The following MYLK variants were observed in gnomAD, a reference collection of about 807,000 sequenced individuals.
MYLK encodes myosin light chain kinase, smooth muscle.
In MYLK, 106 loss-of-function variants were observed where a neutral mutation model predicts 203.4. That is an observed-to-expected ratio of 0.52 (90% confidence interval 0.45 to 0.61). The LOEUF is 0.61. Among genes scored for constraint, MYLK ranks in the 20% least tolerant of loss-of-function variants. MYLK has a pLI of 0.00. For synonymous variants in MYLK, 867 were observed against 959.5 expected (o/e 0.90, Z 1.78); for missense variants, 2,072 against 2,442.3 (o/e 0.85, Z 3.20).
chr3:123,793,750 T>C lies in MYLK; in HGVS notation c.92A>G (p.Glu31Gly), dbSNP rs2064878239. 11 of 1,614,168 alleles carry C rather than the reference T, an allele frequency of 6.8e-6. No homozygotes were observed. The highest frequency in any genetic ancestry group is 8.5e-6 in the Non-Finnish European group (10 of 1,180,022). ...AGGGGGCAAAATGAAAGCAGGGGCC[T>C]CTGTCAGGGGCATGGAGTCAACTCT... ...PSRVDSMPLT[E>G]APAFILPPRN... The change falls in exon 4 of 34, where the codon GAG becomes GGG. Residue 31 changes from glutamate (E) to glycine (G), a missense_variant. Transcript: ENST00000360304.
intron 3 of MYLK, among the ~76,000 whole-genome samples, chr3:123,812,167 T>C (rs892041889): frequency 6.6e-6 from 1 of 152,156 alleles, no homozygotes; most frequent in African/African-American, 2.4e-5. Flanking sequence ...TTCCCCCTCA[T>C]ACCTATTAGT....
intron 2 of MYLK, among the ~76,000 whole-genome samples, chr3:123,871,520 GATA>G (rs1163045696): frequency 1.3e-5 from 2 of 151,978 alleles, no homozygotes; most frequent in African/African-American, 4.8e-5. Context: ...AAATTAAAAG[GATA>G]ATAAGTTAAT....
At chr3:123,638,217 T>C in intron 28 of MYLK, 23 bp from the exon 29 acceptor site, 3 of 1,613,236 alleles carry the variant, frequency 1.9e-6, no homozygotes, top group Non-Finnish European at 2.5e-6. Context: ...TGGAGAGGGA[T>C]AAATTGCCAG....
At chr3:123,794,416 C>T (rs2109110599) in intron 3 of MYLK, among the ~76,000 whole-genome samples, 1 of 152,248 alleles carries the variant, frequency 6.6e-6, no homozygotes, top group African/African-American at 2.4e-5. Context: ...AGGAGGTAGG[C>T]ATGGGGGGAC....
At chr3:123,754,980 G>A (rs745688758) in intron 4 of MYLK, among the ~76,000 whole-genome samples, 22 of 152,290 alleles carry the variant, frequency 1.4e-4, no homozygotes, top group Middle Eastern at 3.4e-3. Context: ...AGGCAGAAAC[G>A]TTCATGCATG....
intron 20 of MYLK, among the ~76,000 whole-genome samples, chr3:123,669,079 G>A (rs1306742155): frequency 2.0e-5 from 3 of 152,216 alleles, no homozygotes; most frequent in Non-Finnish European, 4.4e-5. Context: ...TGTGGAACTT[G>A]TGCATTTCCA....
intron 2 of MYLK, chr3:123,836,068 T>G (rs949922810): frequency 1.3e-5 from 2 of 152,234 alleles, no homozygotes; most frequent in Non-Finnish European, 2.9e-5. Context: ...AACCTAAGCA[T>G]AAAAATGAAC....
intron 2 of MYLK, among the ~76,000 whole-genome samples, chr3:123,869,807 A>G (rs772702671): frequency 1.3e-5 from 2 of 152,162 alleles, no homozygotes; most frequent in South Asian, 2.1e-4. Context: ...CACCCATCTA[A>G]TAAGTTCTTG....
At chr3:123,848,524 T>G (rs1451209257) in intron 2 of MYLK, among the ~76,000 whole-genome samples, 2 of 152,144 alleles carry the variant, frequency 1.3e-5, no homozygotes, top group Non-Finnish European at 2.9e-5. Flanking sequence ...AAAAAAACAC[T>G]ATACTTCCCT....
At chr3:123,632,844 G>A (rs1254399) in intron 29 of MYLK, among the ~76,000 whole-genome samples, 4,319 of 115,272 alleles carry the variant, frequency 0.037, 77 homozygotes, top group Middle Eastern at 0.14. Context: ...TTGTTCTATT[G>A]CCCAGGTTGG....
intron 3 of MYLK, among the ~76,000 whole-genome samples, chr3:123,829,938 C>G (rs1240692273): frequency 6.6e-6 from 1 of 152,116 alleles, no homozygotes; most frequent in African/African-American, 2.4e-5. Flanking sequence ...TGGGTGAGTC[C>G]TATGGTGTCA....
intron 4 of MYLK, among the ~76,000 whole-genome samples, chr3:123,776,868 C>T (rs904784448): frequency 1.3e-5 from 2 of 152,210 alleles, no homozygotes; most frequent in African/African-American, 2.4e-5. Context: ...TGACCCATGG[C>T]CTGTGATGCT....
At chr3:123,876,449 T>A (rs1253541955) in intron 2 of MYLK, 110 bp downstream of exon 2, 3 of 152,194 alleles carry the variant, frequency 2.0e-5, no homozygotes, top group African/African-American at 7.2e-5. Context: ...TAAAATTGTC[T>A]ATATGAAAGG....
At chr3:123,814,741 C>T (rs1272353853) in intron 3 of MYLK, among the ~76,000 whole-genome samples, 2 of 152,128 alleles carry the variant, frequency 1.3e-5, no homozygotes, top group Non-Finnish European at 2.9e-5. Flanking sequence ...TAGGTTGCTT[C>T]CAATTTCATT....
chr3:123,873,556 A>G (rs945236766), intron 2 of MYLK, among the ~76,000 whole-genome samples: 1 of 152,206 alleles, frequency 6.6e-6, no homozygotes, highest in East Asian at 1.9e-4. Context: ...GAATCTAGAA[A>G]AAAAAGCTAC....
intron 2 of MYLK, among the ~76,000 whole-genome samples, chr3:123,840,527 GAAGA>G (rs1232314913): frequency 6.6e-6 from 1 of 150,470 alleles, no homozygotes; most frequent in East Asian, 1.9e-4. Context: ...ATTCCCACAA[GAAGA>G]AATAGAGAAC....
intron 23 of MYLK, chr3:123,659,607 G>A (rs1452989664): frequency 1.4e-5 from 7 of 489,270 alleles, no homozygotes; most frequent in Non-Finnish European, 2.9e-5. Context: ...CTTTAGAGCT[G>A]TGGGCTGCAC....
chr3:123,721,251 G>GATGT (rs1460011388), intron 13 of MYLK, among the ~76,000 whole-genome samples: 3 of 152,208 alleles, frequency 2.0e-5, no homozygotes, highest in African/African-American at 7.2e-5. Context: ...GGAATGGAGA[G>GATGT]ATGTATCCTC....
intron 20 of MYLK, chr3:123,680,955 G>C (rs1174558846): frequency 6.6e-6 from 1 of 152,096 alleles, no homozygotes; most frequent in Admixed American, 6.5e-5. Flanking sequence ...TATAAGGGAA[G>C]CCAGGGTGAC....
Sources: gnomAD v4.1 joint callset for allele counts (sites outside exome capture counted in the v4.1 genomes callset) on GRCh38, gnomAD v4.1.1 for gene constraint, MANE v1.5 for transcripts, NCBI Gene and HGNC (gene_info 2026-07-23, HGNC 2026-07-21) for gene names.